Variants in EDEM1 observed in about 807,000 individuals in gnomAD.
EDEM1 encodes ER degradation enhancing alpha-mannosidase like protein 1, also known as ER degradation-enhancing alpha-mannosidase-like protein 1.
In EDEM1, 67 loss-of-function variants were observed where a neutral mutation model predicts 74.4. The ratio of observed to expected loss-of-function variants is 0.90; its 90% CI spans 0.74 to 1.10. The LOEUF (loss-of-function observed/expected upper bound fraction) is 1.10, where lower values mean the gene tolerates loss of function less well. EDEM1 is among the 50% of genes least tolerant of loss of function. The probability of loss-of-function intolerance (pLI) is 0.00; values close to 1 mark genes in which losing one functional copy is unlikely to be tolerated. For synonymous variants in EDEM1, 382 were observed against 335.9 expected, an observed-to-expected ratio of 1.14 and a Z score of -1.50; for missense variants, 926 against 851.6, an observed-to-expected ratio of 1.09 and a Z score of -1.09.
At chr3:5,210,108 CATG>C in intron 8 of EDEM1, 64 bp from the exon 9 acceptor site, 2 of 1,417,614 alleles carry the variant, frequency 1.4e-6, no homozygotes, top group African/African-American at 1.4e-5. Flanking sequence ...CCGCAGTCAC[CATG>C]ATGTTTGTCG....
At chr3:5,201,630 C>A in intron 3 of EDEM1, 123 bp from the exon 4 acceptor site, 2 of 1,102,844 alleles carry the variant, frequency 1.8e-6, no homozygotes, top group Non-Finnish European at 2.6e-6. Flanking sequence ...TAAGTCAGGT[C>A]TCTCTGACGT....
chr3:5,197,802 A>C (rs879329230), intron 2 of EDEM1, among the ~76,000 whole-genome samples: 1 of 152,260 alleles, frequency 6.6e-6, no homozygotes, highest in South Asian at 2.1e-4. Flanking sequence ...CTAAAAAGAA[A>C]GAACTGAAAG....
chr3:5,187,908 C>G lies in EDEM1; in HGVS notation c.103C>G (p.Gln35Glu), dbSNP rs1176395056. ...FGLGPSMGFY[Q>E]RFPLSFGFQR... ...GCTGGGGCCCAGCATGGGCTTCTAC[C>G]AGCGCTTTCCGCTCAGCTTCGGCTT... Residue 35 changes from glutamine to glutamate, a missense_variant, in exon 1 of 12, where the codon CAG (glutamine) becomes GAG (glutamate). Transcript: ENST00000256497. The G allele has an allele frequency of 1.3e-6, 2 of 1,598,646 alleles. No homozygotes were observed. The highest frequency in any genetic ancestry group is 1.1e-5 in the South Asian group (1 of 89,154).
intron 1 of EDEM1, among the ~76,000 whole-genome samples, chr3:5,193,276 A>G (rs939339329): frequency 6.6e-6 from 1 of 152,218 alleles, no homozygotes; most frequent in African/African-American, 2.4e-5. Context: ...ATATTTACAC[A>G]GAGCAGAACA....
rs891283381 is a variant in EDEM1 at position 5,187,962 on chromosome 3, G to A, written c.157G>A (p.Ala53Thr). 3.8e-6 allele frequency: 6 copies of A among 1,560,356 alleles called. No individual in the cohort carries two copies. The East Asian group carries it at 1.5e-4, about 38-fold the overall frequency. ...FQRLRSPDGP[A>T]SPTSGPVGRP... Reference sequence around the variant, plus strand: ...GCGTCTGAGGAGCCCCGACGGCCCCGCGTCGCCCACCTCGGGGCCCGTGGG... The same window carrying A: ...GCGTCTGAGGAGCCCCGACGGCCCCACGTCGCCCACCTCGGGGCCCGTGGG... Residue 53 changes from alanine to threonine, a missense_variant, in exon 1 of 12, where the codon GCG (alanine) becomes ACG (threonine). Coordinates refer to ENST00000256497, the MANE Select transcript of EDEM1 (RefSeq NM_014674.3).
intron 1 of EDEM1, among the ~76,000 whole-genome samples, chr3:5,191,326 C>G (rs1207150226): frequency 6.6e-6 from 1 of 152,100 alleles, no homozygotes; most frequent in Non-Finnish European, 1.5e-5. Context: ...TGGGCTCAAG[C>G]AGTCCTCCTG....
At position 5,205,209 on chromosome 3, in the gene EDEM1, A is replaced by T; in HGVS notation, c.1185A>T (p.Ala395=). ...EKEDLEMFNA[A]YQSIQNYLRR... ...AAGACCTAGAAATGTTTAATGCTGC[A>T]TATCAGAGTATTCAGAACTACTTAA... The change falls in exon 6 of 12, where the codon GCA becomes GCT. Residue 395 remains alanine (A), a synonymous_variant. Coordinates refer to ENST00000256497, the MANE Select transcript of EDEM1 (RefSeq NM_014674.3). The T allele has an allele frequency of 6.2e-7, 1 of 1,614,182 alleles. No homozygotes were observed. The highest frequency in any genetic ancestry group is 8.5e-7 in the Non-Finnish European group (1 of 1,180,022).
At chr3:5,192,321 A>G (rs892608449) in intron 1 of EDEM1, among the ~76,000 whole-genome samples, 6 of 152,334 alleles carry the variant, frequency 3.9e-5, no homozygotes, top group Admixed American at 3.3e-4. Flanking sequence ...CTCTGTGCCT[A>G]CACCACACCA....
chr3:5,204,396 C>T (rs1270702425), intron 5 of EDEM1, among the ~76,000 whole-genome samples: 3 of 150,076 alleles, frequency 2.0e-5, no homozygotes, highest in Non-Finnish European at 4.4e-5. Context: ...TCTTTTGAGA[C>T]AGGGTCTCCC....
intron 8 of EDEM1, among the ~76,000 whole-genome samples, chr3:5,209,912 A>G (rs919521534): frequency 1.6e-4 from 25 of 152,232 alleles, no homozygotes; most frequent in Non-Finnish European, 2.5e-4. Context: ...GATGGCAACC[A>G]AAGTAGACTA....
rs1323667739 is a variant in EDEM1 at position 5,217,472 on chromosome 3, C to CT, written c.*1555dup. 2.0e-5 allele frequency: 3 copies of CT among 152,562 alleles called. No homozygotes were observed. The highest frequency in any genetic ancestry group is 4.8e-5 in the African/African-American group (2 of 41,410). 9.5% of individuals were successfully genotyped at this position (152,562 alleles called of 1,614,324 possible). A position where few individuals can be genotyped will look rare whatever the true frequency, so the allele number is the denominator to read the frequency against. On this transcript the variant is annotated 3_prime_UTR_variant, in exon 12 of 12. Coordinates refer to ENST00000256497, the MANE Select transcript of EDEM1 (RefSeq NM_014674.3). ...TTTCAAAGCTAGAAATAAGCACTGT[C>CT]TAAGTTTATGTTGCATTTTTAGTCA...
Position 5,205,337 on chromosome 3 carries a change from G to A in EDEM1, c.1217+96G>A, listed in dbSNP as rs77409038. ...TTTTTAACACACAATCACAGGGTCT[G>A]TTTATCTCTGCCCTCACCTTACCAC... On this transcript the variant is annotated intron_variant, in intron 6 of 11. Coordinates refer to ENST00000256497, the MANE Select transcript of EDEM1 (RefSeq NM_014674.3). 266 of 1,262,204 alleles carry A rather than the reference G, an allele frequency of 2.1e-4. No homozygotes were observed. The African/African-American group carries it at 3.6e-3, about 17-fold the overall frequency. 78.2% of individuals were successfully genotyped at this position (1,262,204 alleles called of 1,614,324 possible). A position where few individuals can be genotyped will look rare whatever the true frequency, so the allele number is the denominator to read the frequency against.
chr3:5,203,224 C>T lies in EDEM1; in HGVS notation c.1042+75C>T, dbSNP rs192643804. 371 of 1,419,364 alleles carry T rather than the reference C, an allele frequency of 2.6e-4. 3 individuals are homozygous for T. In the African/African-American group the frequency reaches 5.0e-3, roughly 19 times the overall value. 87.9% of individuals were successfully genotyped at this position (1,419,364 alleles called of 1,614,324 possible). On this transcript the variant is annotated intron_variant, in intron 5 of 11. Transcript: ENST00000256497. The stretch of plus-strand genomic sequence containing the variant: ...TTCCTTTCATCTTCTCTGGGCTCTG[C>T]CCCCTTTTTACTCTTCAACTCAATT...
chr3:5,195,175 A>G lies in EDEM1; in HGVS notation c.510-34A>G, dbSNP rs764337478. ...TTTATTGTCTTCTCTTTTGAAATAA[A>G]GTCTTTTTGTTGAATTTTAATTTTC... On this transcript the variant is annotated intron_variant, in intron 1 of 11. Transcript: ENST00000256497. 3.1e-6 allele frequency: 4 copies of G among 1,282,066 alleles called. No individual in the cohort carries two copies. The South Asian group carries it at 6.1e-5, about 20-fold the overall frequency. The allele number at this position is 1,282,066 out of a possible 1,614,324, so 79.4% of individuals were successfully genotyped here.
intron 5 of EDEM1, among the ~76,000 whole-genome samples, chr3:5,204,498 C>T (rs1484942922): frequency 6.6e-6 from 1 of 152,004 alleles, no homozygotes; most frequent in Non-Finnish European, 1.5e-5. Flanking sequence ...TCAAGTGAAC[C>T]CCCCATCTCA....
Position 5,188,275 on chromosome 3 carries a change from C to G in EDEM1, c.470C>G (p.Pro157Arg), listed in dbSNP as rs1001504569. The G allele has an allele frequency of 2.6e-6, 4 of 1,551,278 alleles. No individual in the cohort carries two copies. Among genetic ancestry groups the G allele is most frequent in the African/African-American group, 1.4e-5 (1 of 70,348 alleles). The change falls in exon 1 of 12, where the codon CCC (proline) becomes CGC (arginine). Residue 157 changes from proline (P) to arginine (R), a missense_variant. Physicochemically the swap from Pro to Arg is moderately radical, Grantham distance 103 (BLOSUM62 -2). Coordinates refer to ENST00000256497, the MANE Select transcript of EDEM1 (RefSeq NM_014674.3). ...GCCTTCCCCCAGGACGAGCTCAACC[C>G]CATCCACTGCCGCGGCCGTGGGCCC... is the stretch of plus-strand genomic sequence containing the variant. The part of the protein sequence containing the change: ...AHAFPQDELN[P>R]IHCRGRGPDR...
intron 11 of EDEM1, among the ~76,000 whole-genome samples, chr3:5,215,179 A>G (rs993839027): frequency 5.3e-5 from 8 of 151,862 alleles, no homozygotes; most frequent in African/African-American, 1.9e-4. Context: ...GCGTGGGGAA[A>G]ATGTTTCTTT....
rs59211334 is a variant in EDEM1 at position 5,216,595 on chromosome 3, A to G, written c.*677A>G. ...CCGTGATTTTGGATCACATGGGAGA[A>G]AAAGTCATCCAGTTTTTCATGTTTG... On this transcript the variant is annotated 3_prime_UTR_variant, in exon 12 of 12. Coordinates refer to ENST00000256497, the MANE Select transcript of EDEM1 (RefSeq NM_014674.3). 20,205 of 152,552 alleles carry G rather than the reference A, an allele frequency of 0.13. 1,537 individuals are homozygous for G. Among genetic ancestry groups the G allele is most frequent in the Non-Finnish European group, 0.17 (11,832 of 68,026 alleles). 9.4% of individuals were successfully genotyped at this position (152,552 alleles called of 1,614,324 possible). A position where few individuals can be genotyped will look rare whatever the true frequency, so the allele number is the denominator to read the frequency against.
Position 5,187,831 on chromosome 3 carries a change from G to A in EDEM1, c.26G>A (p.Gly9Glu). The change falls in exon 1 of 12, where the codon GGG (glycine) becomes GAG (glutamate). Residue 9 changes from glycine to glutamate, a missense_variant. Coordinates refer to ENST00000256497, the MANE Select transcript of EDEM1 (RefSeq NM_014674.3). ...ATGCAATGGCGAGCGCTCGTCCTGG[G>A]GCTGGTGCTCCTCCGGCTTGGCCTC... is the stretch of plus-strand genomic sequence containing the variant. MQWRALVL[G>E]LVLLRLGLHG... 1 of 1,589,974 alleles carries A rather than the reference G, an allele frequency of 6.3e-7. No homozygotes were observed. The highest frequency in any genetic ancestry group is 8.5e-7 in the Non-Finnish European group (1 of 1,169,724).
Sources: gnomAD v4.1 joint callset for allele counts (sites outside exome capture counted in the v4.1 genomes callset) on GRCh38, gnomAD v4.1.1 for gene constraint, MANE v1.5 for transcripts, NCBI Gene and HGNC (gene_info 2026-07-23, HGNC 2026-07-21) for gene names.